Variants in ATG7 observed in about 807,000 individuals in gnomAD.
ATG7 encodes autophagy related 7.
ATG7 carries 70 observed loss-of-function variants against 82.4 expected under a neutral mutation model. That is an observed-to-expected ratio of 0.85 (90% CI 0.70 to 1.04). The LOEUF is 1.04. ATG7 is among the 50% of genes least tolerant of loss of function. ATG7 has a pLI of 0.00. For missense variants in ATG7, 792 were observed against 864.3 expected (o/e 0.92, Z 1.05); for synonymous variants, 287 against 313.0 (o/e 0.92, Z 0.88).
chr3:11,417,805 A>ATTATTTTTTTT (rs1559578331), intron 19 of ATG7, among the ~76,000 whole-genome samples: 2 of 52,742 alleles, frequency 3.8e-5, no homozygotes, highest in Non-Finnish European at 8.6e-5. Flanking sequence ...TTATTATTTT[A>ATTATTTTTTTT]TTTTATTTTA....
chr3:11,294,915 C>T (rs1351415565), intron 3 of ATG7, among the ~76,000 whole-genome samples: 2 of 152,154 alleles, frequency 1.3e-5, no homozygotes, highest in Non-Finnish European at 2.9e-5. Context: ...GAGTTCGAGA[C>T]CAGCCTGGCC....
chr3:11,284,095 T>A (rs893237530), intron 3 of ATG7, among the ~76,000 whole-genome samples: 2 of 152,226 alleles, frequency 1.3e-5, no homozygotes, highest in Non-Finnish European at 2.9e-5. Flanking sequence ...AGGTTCTTTT[T>A]GTTTTTGTTT....
intron 20 of ATG7, among the ~76,000 whole-genome samples, chr3:11,518,000 A>G (rs935727622): frequency 6.6e-6 from 1 of 152,174 alleles, no homozygotes; most frequent in South Asian, 2.1e-4. Context: ...GGCAGGCTAG[A>G]AAGAAGTAGA....
At chr3:11,379,288 G>T (rs1255229823) in intron 18 of ATG7, among the ~76,000 whole-genome samples, 1 of 152,084 alleles carries the variant, frequency 6.6e-6, no homozygotes, top group Non-Finnish European at 1.5e-5. Flanking sequence ...TCCCCCTTTG[G>T]TGTAAGTATA....
At chr3:11,313,108 GA>G (rs780231429) in intron 7 of ATG7, among the ~76,000 whole-genome samples, 195 bp from the exon 8 acceptor site, 24 of 152,300 alleles carry the variant, frequency 1.6e-4, no homozygotes, top group Non-Finnish European at 2.9e-4. Context: ...GGTGGTATAT[GA>G]GACTATTTTG....
At chr3:11,372,851 C>CGCGTGTGT (rs1553633235) in intron 18 of ATG7, among the ~76,000 whole-genome samples, 29 of 83,348 alleles carry the variant, frequency 3.5e-4, no homozygotes, top group African/African-American at 6.7e-4. Context: ...CGTGCGTGTG[C>CGCGTGTGT]GTGTGTGTGT....
intron 19 of ATG7, among the ~76,000 whole-genome samples, chr3:11,421,895 C>A (rs1334415006): frequency 6.6e-6 from 1 of 152,180 alleles, no homozygotes; most frequent in Non-Finnish European, 1.5e-5. Flanking sequence ...CTCCATCAGA[C>A]CTCCTGGGTG....
At chr3:11,515,914 G>A (rs2124864520) in intron 20 of ATG7, among the ~76,000 whole-genome samples, 1 of 152,108 alleles carries the variant, frequency 6.6e-6, no homozygotes, top group Non-Finnish European at 1.5e-5. Flanking sequence ...GCTGGCCACG[G>A]GAAGTCTCAG....
At position 11,307,141 on chromosome 3, in the gene ATG7, C is replaced by A. The variant is rs1021585475; in HGVS notation, c.333+81C>A. 9 of 1,309,524 alleles carry A rather than the reference C, an allele frequency of 6.9e-6. No individual in the cohort carries two copies. The Admixed American group carries it at 8.8e-5, about 13-fold the overall frequency. The allele number at this position is 1,309,524 out of a possible 1,614,324, so 81.1% of individuals were successfully genotyped here. ...AGTGTTTGTGATCAGGCACATGGGT[C>A]TGCTGCAGAAACTGGCATATGAAGG... On this transcript the variant is annotated intron_variant, in intron 6 of 20. Transcript: ENST00000693202.
intron 13 of ATG7, among the ~76,000 whole-genome samples, chr3:11,344,392 A>C (rs192082889): frequency 6.6e-6 from 1 of 152,300 alleles, no homozygotes; most frequent in East Asian, 1.9e-4. Flanking sequence ...TGTTCTTTAT[A>C]ATTTAAAGAA....
intron 20 of ATG7, among the ~76,000 whole-genome samples, chr3:11,536,817 A>G (rs929372257): frequency 2.0e-5 from 3 of 152,138 alleles, no homozygotes; most frequent in African/African-American, 7.2e-5. Context: ...CTGAGCCTCC[A>G]TCTTCCCTTC....
At chr3:11,452,160 G>C (rs147023072) in intron 20 of ATG7, among the ~76,000 whole-genome samples, 61 of 152,014 alleles carry the variant, frequency 4.0e-4, no homozygotes, top group African/African-American at 1.4e-3. Context: ...GAGGCAGGCA[G>C]ATTACCCTGA....
chr3:11,554,814 T>C lies in ATG7; in HGVS notation c.2083T>C (p.Trp695Arg), dbSNP rs139966854. Residue 695 changes from tryptophan to arginine, a missense_variant, in exon 21 of 21, where the codon TGG becomes CGG. Physicochemically the swap from Trp to Arg is moderately radical, Grantham distance 101. Transcript: ENST00000693202. The stretch of plus-strand genomic sequence containing the variant: ...GCCTCTCCCCTTCTCCATGCAGATC[T>C]GGGACATGAGCGATGATGAGACCAT... ...LHQETQAAEI[W>R]DMSDDETI The C allele has an allele frequency of 3.7e-6, 6 of 1,613,328 alleles. No individual in the cohort carries two copies. In the African/African-American group the frequency reaches 4.0e-5, roughly 11 times the overall value.
downstream of ATG7, among the ~76,000 whole-genome samples, chr3:11,560,779 G>T (rs115357364): frequency 4.6e-3 from 694 of 152,270 alleles, 5 homozygotes; most frequent in African/African-American, 0.016. Flanking sequence ...AGCTGCCCAG[G>T]GTTCGTACGG....
chr3:11,467,907 A>G (rs1403226098), intron 20 of ATG7, among the ~76,000 whole-genome samples: 1 of 152,230 alleles, frequency 6.6e-6, no homozygotes, highest in Admixed American at 6.5e-5. Flanking sequence ...AATAATACAG[A>G]ATTAGAAAGA....
At chr3:11,356,832 G>A (rs1019362754) in intron 14 of ATG7, among the ~76,000 whole-genome samples, 1 of 152,068 alleles carries the variant, frequency 6.6e-6, no homozygotes, top group Non-Finnish European at 1.5e-5. Context: ...TGATAGCTGT[G>A]CTAGTCTCAT....
At chr3:11,412,643 C>T (rs2152919196) in intron 19 of ATG7, among the ~76,000 whole-genome samples, 1 of 152,160 alleles carries the variant, frequency 6.6e-6, no homozygotes, top group African/African-American at 2.4e-5. Flanking sequence ...TCCTCTTCTT[C>T]AAGATTGTTT....
At chr3:11,571,113 A>C in the ATG7 span, among the ~76,000 whole-genome samples, 6 of 152,286 alleles carry the variant, frequency 3.9e-5, no homozygotes, top group Middle Eastern at 0.017. Flanking sequence ...GTGGGCAGGA[A>C]AAAGCTGGCA....
At chr3:11,342,811 C>T (rs1031133435) in intron 13 of ATG7, among the ~76,000 whole-genome samples, 1 of 149,904 alleles carries the variant, frequency 6.7e-6, no homozygotes, top group Non-Finnish European at 1.5e-5. Context: ...CATTCTTATA[C>T]TTGTATGTTT....
Sources: gnomAD v4.1 joint callset for allele counts (sites outside exome capture counted in the v4.1 genomes callset) on GRCh38, gnomAD v4.1.1 for gene constraint, MANE v1.5 for transcripts, NCBI Gene and HGNC (gene_info 2026-07-23, HGNC 2026-07-21) for gene names.